Variants in TMEM132D observed in about 807,000 individuals in gnomAD.
The protein encoded by TMEM132D is transmembrane protein 132D, also known as mature OL transmembrane protein.
Under a neutral mutation model 62.3 loss-of-function variants are expected in TMEM132D, and 21 were observed. The observed-to-expected ratio is 0.34, with a 90% CI of 0.24 to 0.49. The LOEUF is 0.49. Ranked by LOEUF, TMEM132D falls within the 20% of genes least tolerant of loss-of-function variation. The pLI, the probability that TMEM132D is intolerant of heterozygous loss-of-function variation, is 0.99. For synonymous variants in TMEM132D, 621 were observed against 575.6 expected, an observed-to-expected ratio of 1.08 and a Z score of -1.13; for missense variants, 1,346 against 1,402.8, an observed-to-expected ratio of 0.96 and a Z score of 0.65.
intron 2 of TMEM132D, among the ~76,000 whole-genome samples, chr12:129,630,818 G>A (rs548885381): frequency 6.6e-6 from 1 of 152,122 alleles, no homozygotes. Context: ...ACTAAGCCTA[G>A]TACCCAATAA....
chr12:129,313,351 T>C (rs1203998511), intron 4 of TMEM132D, among the ~76,000 whole-genome samples: 1 of 152,144 alleles, frequency 6.6e-6, no homozygotes, highest in African/African-American at 2.4e-5. Context: ...TCAAAGTCCA[T>C]TGGATCATCC....
chr12:129,380,058 C>T (rs775037064), intron 3 of TMEM132D, among the ~76,000 whole-genome samples: 2 of 152,016 alleles, frequency 1.3e-5, no homozygotes, highest in Non-Finnish European at 2.9e-5. Flanking sequence ...AAAAATAAAA[C>T]ATGGTGTCAT....
intron 1 of TMEM132D, among the ~76,000 whole-genome samples, chr12:129,719,870 T>C (rs955178399): frequency 6.6e-6 from 1 of 152,210 alleles, no homozygotes; most frequent in African/African-American, 2.4e-5. Flanking sequence ...AATAGGGCTT[T>C]TGTGGCTCAC....
chr12:129,562,282 A>C (rs1004815576), intron 2 of TMEM132D, among the ~76,000 whole-genome samples: 1 of 152,128 alleles, frequency 6.6e-6, no homozygotes, highest in African/African-American at 2.4e-5. Context: ...AGATTATTCC[A>C]TAGTAGATTG....
intron 4 of TMEM132D, chr12:129,262,802 T>C (rs1880585364): frequency 6.6e-6 from 1 of 152,218 alleles, no homozygotes; most frequent in African/African-American, 2.4e-5. Flanking sequence ...AGAAAGTCTA[T>C]GCAAGAGGTG....
chr12:129,326,833 A>G (rs1868929248), intron 4 of TMEM132D, among the ~76,000 whole-genome samples: 1 of 152,258 alleles, frequency 6.6e-6, no homozygotes, highest in African/African-American at 2.4e-5. Flanking sequence ...AATTGGTATA[A>G]TATTTTCACT....
chr12:129,641,780 C>T (rs1879646792), intron 2 of TMEM132D, among the ~76,000 whole-genome samples: 1 of 152,100 alleles, frequency 6.6e-6, no homozygotes, highest in African/African-American at 2.4e-5. Context: ...CATCCCACCG[C>T]ACTTGTCTTT....
At position 129,318,929 on chromosome 12, in the gene TMEM132D, G is replaced by C. The variant is rs186673879; in HGVS notation, c.1299+18705C>G. Among the ~76,000 whole-genome samples, 454 of 152,224 alleles carry C rather than the reference G, an allele frequency of 3.0e-3. 3 individuals carry two copies. Among genetic ancestry groups the C allele is most frequent in the African/African-American group, 0.01 (430 of 41,532 alleles). On this transcript the variant is annotated intron_variant, in intron 4 of 8. Coordinates refer to ENST00000422113, the MANE Select transcript of TMEM132D (RefSeq NM_133448.3). Reference sequence around the variant, plus strand: ...GGAAAGCTGGCAGTCACAGGCCTCAGCCAGCTCCCACACCAACTGAAGGGC... The same window carrying C: ...GGAAAGCTGGCAGTCACAGGCCTCACCCAGCTCCCACACCAACTGAAGGGC...
chr12:129,616,936 T>C (rs767052254), intron 2 of TMEM132D, among the ~76,000 whole-genome samples: 2 of 152,230 alleles, frequency 1.3e-5, no homozygotes, highest in African/African-American at 4.8e-5. Context: ...CACTGGATTT[T>C]GTCGCTGTTG....
intron 1 of TMEM132D, among the ~76,000 whole-genome samples, chr12:129,866,055 C>G (rs916680884): frequency 1.3e-5 from 2 of 152,146 alleles, no homozygotes; most frequent in South Asian, 4.1e-4. Flanking sequence ...TTACTCCACA[C>G]CCCCTGGGTT....
intron 3 of TMEM132D, among the ~76,000 whole-genome samples, chr12:129,454,073 ATC>A (rs1873386052): frequency 1.3e-5 from 2 of 152,132 alleles, no homozygotes; most frequent in East Asian, 1.9e-4. Flanking sequence ...TGTATTATAA[ATC>A]TCTGTCTAGT....
chr12:129,692,837 G>C (rs189582599), intron 2 of TMEM132D, among the ~76,000 whole-genome samples: 3 of 152,082 alleles, frequency 2.0e-5, no homozygotes, highest in East Asian at 1.9e-4. Flanking sequence ...ACATTCACTG[G>C]GGCCTGTCGG....
At chr12:129,459,845 C>G (rs908600117) in intron 3 of TMEM132D, among the ~76,000 whole-genome samples, 3 of 152,154 alleles carry the variant, frequency 2.0e-5, no homozygotes, top group African/African-American at 7.2e-5. Flanking sequence ...AGCACGCATT[C>G]AAACACAGTA....
chr12:129,443,974 T>C (rs928040822), intron 3 of TMEM132D, among the ~76,000 whole-genome samples: 2 of 152,166 alleles, frequency 1.3e-5, no homozygotes, highest in African/African-American at 4.8e-5. Flanking sequence ...CCTACAACTA[T>C]CTGATCTTCA....
chr12:129,329,033 A>AATATATATATATAT (rs201004813), intron 4 of TMEM132D, among the ~76,000 whole-genome samples: 1 of 147,578 alleles, frequency 6.8e-6, no homozygotes, highest in African/African-American at 2.5e-5. Context: ...ATATGTAAAG[A>AATATATATATATAT]ATATATATAT....
intron 1 of TMEM132D, among the ~76,000 whole-genome samples, chr12:129,833,740 G>A (rs1872915028): frequency 6.6e-6 from 1 of 152,132 alleles, no homozygotes; most frequent in African/African-American, 2.4e-5. Context: ...ATTGCCACAG[G>A]CACCGTCCCC....
At chr12:129,536,391 G>A (rs903681757) in intron 2 of TMEM132D, among the ~76,000 whole-genome samples, 7 of 147,488 alleles carry the variant, frequency 4.7e-5, no homozygotes, top group African/African-American at 1.7e-4. Context: ...CATTAATAGT[G>A]ACAGAGCATA....
intron 1 of TMEM132D, among the ~76,000 whole-genome samples, chr12:129,811,508 T>G (rs572931603): frequency 6.6e-6 from 1 of 151,816 alleles, no homozygotes; most frequent in South Asian, 2.1e-4. Context: ...CCCATCTTTA[T>G]CATTTGGGGA....
intron 3 of TMEM132D, among the ~76,000 whole-genome samples, chr12:129,398,914 G>C (rs1593364629): frequency 6.6e-6 from 1 of 152,176 alleles, no homozygotes; most frequent in South Asian, 2.1e-4. Flanking sequence ...GCTGCTATAA[G>C]AGAATACTTG....
Sources: allele counts gnomAD v4.1 joint callset (sites outside exome capture counted in the v4.1 genomes callset), GRCh38; gene constraint gnomAD v4.1.1; transcripts MANE v1.5; gene names NCBI Gene and HGNC (gene_info 2026-07-23, HGNC 2026-07-21).